The following FBP1 variants were observed in gnomAD, a reference collection of about 807,000 sequenced individuals.
The protein encoded by FBP1 is fructose-1,6-bisphosphatase 1.
A neutral mutation model predicts 29.9 loss-of-function variants in FBP1; 22 were observed. That is an observed-to-expected ratio of 0.74 (90% CI 0.53 to 1.05). FBP1 has a LOEUF of 1.05. FBP1 is among the 50% of genes least tolerant of loss of function. The pLI is 0.00. For missense variants in FBP1, 345 were observed against 448.2 expected, an observed-to-expected ratio of 0.77 and a Z score of 2.08; for synonymous variants, 175 against 178.6, an observed-to-expected ratio of 0.98 and a Z score of 0.16.
intron 5 of FBP1, among the ~76,000 whole-genome samples, 194 bp from the exon 6 acceptor site, chr9:94,605,770 C>T (rs973267718): frequency 6.6e-6 from 1 of 152,158 alleles, no homozygotes; most frequent in African/African-American, 2.4e-5. Flanking sequence ...GACAGCCTCT[C>T]ATCATCTCAC....
chr9:94,620,867 C>A (rs937476234), intron 1 of FBP1, among the ~76,000 whole-genome samples: 15 of 152,130 alleles, frequency 9.9e-5, no homozygotes, highest in African/African-American at 3.6e-4. Context: ...ACCTATGTAA[C>A]AAACCTACGC....
Position 94,606,926 on chromosome 9 carries a change from G to A in FBP1, c.594C>T (p.Asp198=), listed in dbSNP as rs1465974044. Residue 198 remains aspartate (D), a synonymous_variant, in exon 5 of 7, where the codon GAC becomes GAT. Coordinates refer to ENST00000375326, the MANE Select transcript of FBP1 (RefSeq NM_000507.4). ...CTTTCTTTTTTATCTTCACATCCTTGTCCACCAAAATGAACTCCCCGATGG... is the reference window on the plus strand; with the variant it reads ...CTTTCTTTTTTATCTTCACATCCTTATCCACCAAAATGAACTCCCCGATGG... The part of the protein sequence containing the change: ...DPAIGEFILV[D]KDVKIKKKGK... 6.2e-7 allele frequency: 1 copy of A among 1,614,100 alleles called. No homozygotes were observed. Among genetic ancestry groups the A allele is most frequent in the Admixed American group, 1.7e-5 (1 of 60,002 alleles).
At chr9:94,603,627 AAG>A (rs2131469967) in intron 6 of FBP1, 55 bp from the exon 7 acceptor site, 1 of 1,529,656 alleles carries the variant, frequency 6.5e-7, no homozygotes, top group Non-Finnish European at 9.1e-7. Flanking sequence ...TTGCGTAAAA[AAG>A]AGACTTTTCT....
At chr9:94,621,398 A>AAAAATATATATAT (rs58726402) in intron 1 of FBP1, among the ~76,000 whole-genome samples, 1 of 146,158 alleles carries the variant, frequency 6.8e-6, no homozygotes, top group Admixed American at 6.7e-5. Flanking sequence ...TCCGTCTAAA[A>AAAAATATATATAT]ATATATATAT....
chr9:94,637,305 C>T (rs4744362), intron 1 of FBP1, among the ~76,000 whole-genome samples: 40,205 of 151,818 alleles, frequency 0.26, 6,573 homozygotes, highest in East Asian at 0.57. Context: ...TTGCAGGATG[C>T]GGGGCGGAGA....
intron 1 of FBP1, among the ~76,000 whole-genome samples, chr9:94,620,873 T>C (rs1355424376): frequency 6.6e-6 from 1 of 152,198 alleles, no homozygotes; most frequent in Non-Finnish European, 1.5e-5. Context: ...GTAACAAACC[T>C]ACGCATTCTG....
At chr9:94,606,026 C>T (rs751555155) in intron 5 of FBP1, among the ~76,000 whole-genome samples, 2 of 151,904 alleles carry the variant, frequency 1.3e-5, no homozygotes, top group Non-Finnish European at 2.9e-5. Flanking sequence ...CTGTGGGACT[C>T]GGGTGTGCGT....
At chr9:94,609,469 A>G (rs533053825) in intron 4 of FBP1, among the ~76,000 whole-genome samples, 1 of 152,316 alleles carries the variant, frequency 6.6e-6, no homozygotes, top group African/African-American at 2.4e-5. Flanking sequence ...CAGAAACATT[A>G]TGTTTTTTAC....
Position 94,623,040 on chromosome 9 carries a change from A to T in FBP1, c.171-2549T>A, listed in dbSNP as rs539064350. The stretch of plus-strand genomic sequence containing the variant: ...CACTCTGTTGTCCAGGCTGGTGTGC[A>T]GTTGCGTGATCTCGGCTCACTGCAA... On this transcript the variant is annotated intron_variant, in intron 1 of 6. Transcript: ENST00000375326. 2.0e-5 allele frequency among the ~76,000 whole-genome samples: 3 copies of T among 152,186 alleles called. No individual in the cohort carries two copies. The East Asian group carries it at 5.8e-4, about 29-fold the overall frequency.
At chr9:94,617,947 T>C in intron 2 of FBP1, 87 bp from the exon 3 acceptor site, 1 of 1,077,632 alleles carries the variant, frequency 9.3e-7, no homozygotes, top group South Asian at 1.3e-5. Context: ...GAATGGGAAT[T>C]TAGAAGAAAG....
chr9:94,614,585 G>T (rs1827836215), intron 3 of FBP1, among the ~76,000 whole-genome samples: 1 of 152,136 alleles, frequency 6.6e-6, no homozygotes, highest in African/African-American at 2.4e-5. Context: ...AGATGCTGTG[G>T]CAGGAGCTGC....
intron 1 of FBP1, among the ~76,000 whole-genome samples, chr9:94,626,101 C>G (rs1270872938): frequency 6.6e-6 from 1 of 152,196 alleles, no homozygotes; most frequent in Non-Finnish European, 1.5e-5. Context: ...CTCTTTACCC[C>G]CAGTAAGCGT....
intron 4 of FBP1, among the ~76,000 whole-genome samples, chr9:94,607,447 T>C (rs1827718239): frequency 6.6e-6 from 1 of 152,180 alleles, no homozygotes; most frequent in African/African-American, 2.4e-5. Context: ...TCTACCTTGA[T>C]GGGAGTTCTC....
At chr9:94,604,937 C>T (rs1827674951) in intron 6 of FBP1, among the ~76,000 whole-genome samples, 1 of 152,220 alleles carries the variant, frequency 6.6e-6, no homozygotes, top group Non-Finnish European at 1.5e-5. Context: ...TGGGCTTGGA[C>T]TAGTGAGTCG....
At chr9:94,629,636 C>T (rs1464130276) in intron 1 of FBP1, among the ~76,000 whole-genome samples, 1 of 152,108 alleles carries the variant, frequency 6.6e-6, no homozygotes, top group Admixed American at 6.6e-5. Context: ...ATCACATAAC[C>T]CCCACTCCTG....
intron 1 of FBP1, among the ~76,000 whole-genome samples, chr9:94,623,274 C>T (rs1049945996): frequency 5.9e-5 from 9 of 152,154 alleles, no homozygotes; most frequent in African/African-American, 1.7e-4. Context: ...CATGAGCCAC[C>T]GTGCCCAGCC....
In FBP1 at chr9:94,639,123, G is replaced by C. The variant is rs748736992; in HGVS notation, c.170+18C>G. On this transcript the variant is annotated intron_variant, in intron 1 of 6. Transcript: ENST00000375326. ...GCAGACAGACAGGACGGGGCCCACC[G>C]CCCAAGGCCCGACTCACAGGTGCGC... 3.2e-6 allele frequency: 5 copies of C among 1,584,128 alleles called. No individual in the cohort carries two copies. In the South Asian group the frequency reaches 4.6e-5, roughly 15 times the overall value.
intron 1 of FBP1, among the ~76,000 whole-genome samples, chr9:94,638,749 G>A (rs1277294614): frequency 1.3e-5 from 2 of 152,332 alleles, no homozygotes; most frequent in Non-Finnish European, 2.9e-5. Context: ...AAGAAATGGG[G>A]AAGGAAGGCA....
chr9:94,612,404 A>C (rs991992208), intron 3 of FBP1, among the ~76,000 whole-genome samples: 6 of 152,204 alleles, frequency 3.9e-5, no homozygotes, highest in Non-Finnish European at 8.8e-5. Context: ...ACATACGGTC[A>C]CCAAATGCTC....
Sources: gnomAD v4.1 joint callset for allele counts (sites outside exome capture counted in the v4.1 genomes callset) on GRCh38, gnomAD v4.1.1 for gene constraint, MANE v1.5 for transcripts, NCBI Gene and HGNC (gene_info 2026-07-23, HGNC 2026-07-21) for gene names.